PCDHGA4: variants seen among roughly 807,000 people sequenced by gnomAD.
PCDHGA4 encodes the protein protocadherin gamma subfamily A, 4.
A neutral mutation model predicts 54.6 loss-of-function variants in PCDHGA4; 38 were observed. The ratio of observed to expected loss-of-function variants is 0.70; its 90% CI spans 0.54 to 0.91. PCDHGA4 has a LOEUF of 0.91. PCDHGA4 is among the 40% of genes least tolerant of loss of function. The pLI, the probability that PCDHGA4 is intolerant of heterozygous loss-of-function variation, is 0.00. For missense variants in PCDHGA4, 1,298 were observed against 1,220.9 expected (o/e 1.06, Z -0.94); for synonymous variants, 511 against 512.9 (o/e 1.00, Z 0.05).
chr5:141,364,809 C>G, intron 1 of PCDHGA4: 23 of 1,613,952 alleles, frequency 1.4e-5, no homozygotes, highest in Non-Finnish European at 1.9e-5. Flanking sequence ...GCGCGGGATG[C>G]GGATGTGGGT....
At chr5:141,499,397 T>A (rs1171838687) in intron 2 of PCDHGA4, among the ~76,000 whole-genome samples, 2 of 152,122 alleles carry the variant, frequency 1.3e-5, no homozygotes, top group African/African-American at 4.8e-5. Flanking sequence ...AAATAGTACA[T>A]GCTCATTATA....
intron 1 of PCDHGA4, chr5:141,478,305 C>A (rs775282798): frequency 1.2e-6 from 2 of 1,613,974 alleles, no homozygotes; most frequent in Non-Finnish European, 8.5e-7. Flanking sequence ...TACCGAGCCC[C>A]GGTGAGCTCA....
At chr5:141,366,725 GCAAA>G (rs1561539069) in intron 1 of PCDHGA4, 1 of 1,613,584 alleles carries the variant, frequency 6.2e-7, no homozygotes, top group East Asian at 2.2e-5. Context: ...TAAGGTAGAT[GCAAA>G]CAAAGAAGAA....
At chr5:141,473,974 C>A (rs958240236) in intron 1 of PCDHGA4, among the ~76,000 whole-genome samples, 1 of 152,054 alleles carries the variant, frequency 6.6e-6, no homozygotes, top group Non-Finnish European at 1.5e-5. Flanking sequence ...AAGTCTGAGG[C>A]GGGAGGATCC....
intron 2 of PCDHGA4, among the ~76,000 whole-genome samples, chr5:141,505,172 A>C (rs1336105711): frequency 6.6e-6 from 1 of 152,178 alleles, no homozygotes; most frequent in Non-Finnish European, 1.5e-5. Context: ...AAACAAAAAG[A>C]AAAAAGCATC....
At chr5:141,412,601 A>G (rs2095565422) in intron 1 of PCDHGA4, 1 of 152,188 alleles carries the variant, frequency 6.6e-6, no homozygotes, top group African/African-American at 2.4e-5. Context: ...ACTAAATAAA[A>G]TTGGCCTATT....
chr5:141,481,694 C>A (rs2099542163), intron 1 of PCDHGA4, among the ~76,000 whole-genome samples: 1 of 152,130 alleles, frequency 6.6e-6, no homozygotes, highest in South Asian at 2.1e-4. Flanking sequence ...TGGCTCACGC[C>A]TGTAATCCCA....
chr5:141,422,922 C>T (rs1244444241), intron 1 of PCDHGA4: 1 of 1,614,130 alleles, frequency 6.2e-7, no homozygotes, highest in Non-Finnish European at 8.5e-7. Flanking sequence ...AGATCCTGTA[C>T]CCTGCCCTCC....
Position 141,393,204 on chromosome 5 carries a change from C to T in PCDHGA4, c.2514+35583C>T, listed in dbSNP as rs373432896. ...AATAATTGATATTAACGATAATAAC[C>T]CAAAATTCCAGGTCGAAGATCTAGA... On this transcript the variant is annotated intron_variant, in intron 1 of 3. Transcript: ENST00000571252. 7 of 1,613,342 alleles carry T rather than the reference C, an allele frequency of 4.3e-6. No homozygotes were observed. The African/African-American group carries it at 9.3e-5, about 22-fold the overall frequency.
At chr5:141,507,786 GTCTAAGCC>G (rs1279265471) in intron 3 of PCDHGA4, among the ~76,000 whole-genome samples, 1 of 152,174 alleles carries the variant, frequency 6.6e-6, no homozygotes, top group Admixed American at 6.5e-5. Flanking sequence ...CCTGACCCTC[GTCTAAGCC>G]TGCGCCCTGG....
At chr5:141,361,137 A>G (rs1215399684) in intron 1 of PCDHGA4, 2 of 1,613,630 alleles carry the variant, frequency 1.2e-6, no homozygotes, top group South Asian at 2.2e-5. Flanking sequence ...GCAGTATCCA[A>G]GTTGAAATTC....
intron 1 of PCDHGA4, among the ~76,000 whole-genome samples, chr5:141,457,984 A>G (rs1210742359): frequency 2.0e-5 from 3 of 152,226 alleles, no homozygotes; most frequent in Non-Finnish European, 1.5e-5. Context: ...ACACCCTTTC[A>G]GTTAAAGCCT....
intron 1 of PCDHGA4, chr5:141,360,682 A>G: frequency 1.2e-6 from 2 of 1,614,012 alleles, no homozygotes; most frequent in Non-Finnish European, 1.7e-6. Context: ...TCTCGCTGAG[A>G]AACAGACTCC....
At chr5:141,430,595 G>C (rs549786394) in intron 1 of PCDHGA4, 1 of 567,016 alleles carries the variant, frequency 1.8e-6, no homozygotes. Flanking sequence ...CCTTGCACGC[G>C]CCTGAAGCAC....
At chr5:141,478,011 G>T (rs1216659966) in intron 1 of PCDHGA4, 1 of 1,614,088 alleles carries the variant, frequency 6.2e-7, no homozygotes, top group Non-Finnish European at 8.5e-7. Flanking sequence ...AGTACTGCCC[G>T]TCCAGTCCAA....
intron 1 of PCDHGA4, chr5:141,366,903 C>T (rs1018569016): frequency 6.8e-5 from 80 of 1,174,592 alleles, no homozygotes; most frequent in Non-Finnish European, 8.5e-5. Context: ...TTCATGCTTT[C>T]TCCATTTGTT....
chr5:141,371,543 A>T, intron 1 of PCDHGA4: 1 of 1,613,812 alleles, frequency 6.2e-7, no homozygotes, highest in Non-Finnish European at 8.5e-7. Context: ...GAGAAATCCT[A>T]TGCCAACTAA....
intron 1 of PCDHGA4, chr5:141,409,428 C>T (rs2095264686): frequency 6.2e-7 from 1 of 1,613,870 alleles, no homozygotes; most frequent in Admixed American, 1.7e-5. Context: ...ACAGATGGAG[C>T]CCTGGACCGA....
At chr5:141,384,904 C>G (rs1780643857) in intron 1 of PCDHGA4, 1 of 1,613,886 alleles carries the variant, frequency 6.2e-7, no homozygotes, top group Admixed American at 1.7e-5. Context: ...TGACAGCATC[C>G]CCGAAGTCTT....
Sources: gnomAD v4.1 joint callset for allele counts (sites outside exome capture counted in the v4.1 genomes callset) on GRCh38, gnomAD v4.1.1 for gene constraint, MANE v1.5 for transcripts, NCBI Gene and HGNC (gene_info 2026-07-23, HGNC 2026-07-21) for gene names.